The following PPFIA2 variants were observed in gnomAD, a reference collection of about 807,000 sequenced individuals.
PPFIA2 encodes the protein liprin-alpha-2.
Under a neutral mutation model 175.5 loss-of-function variants are expected in PPFIA2, and 46 were observed. The ratio of observed to expected loss-of-function variants is 0.26; its 90% CI spans 0.21 to 0.34. PPFIA2 has a LOEUF of 0.34. Ranked by LOEUF, PPFIA2 falls within the 10% of genes least tolerant of loss-of-function variation. The pLI is 1.00. For missense variants in PPFIA2, 1,179 were observed against 1,506.1 expected (o/e 0.78, Z 3.60); for synonymous variants, 568 against 511.4 (o/e 1.11, Z -1.49).
intron 3 of PPFIA2, among the ~76,000 whole-genome samples, chr12:81,739,503 T>C (rs1358787337): frequency 3.3e-5 from 5 of 152,204 alleles, no homozygotes; most frequent in Non-Finnish European, 7.4e-5. Context: ...GAACTGATTT[T>C]ATCTCCTTTA....
At chr12:81,297,755 ATAATTAGACCT>A (rs906608935) in intron 23 of PPFIA2, among the ~76,000 whole-genome samples, 76 of 152,242 alleles carry the variant, frequency 5.0e-4, no homozygotes, top group African/African-American at 1.8e-3. Context: ...AATGTCATCC[ATAATTAGACCT>A]TAAAGAGTCT....
chr12:81,611,846 C>T (rs745496372), intron 4 of PPFIA2, among the ~76,000 whole-genome samples: 4 of 152,118 alleles, frequency 2.6e-5, no homozygotes, highest in Admixed American at 6.5e-5. Context: ...GATCTCCTGA[C>T]ATCTCACATG....
At chr12:81,514,758 T>C (rs1473745207) in intron 4 of PPFIA2, among the ~76,000 whole-genome samples, 6 of 151,970 alleles carry the variant, frequency 3.9e-5, no homozygotes, top group African/African-American at 1.4e-4. Context: ...AAAAATTAAA[T>C]ATACTAAATT....
Position 81,289,727 on chromosome 12 carries a change from T to C in PPFIA2, c.2925+5108A>G, listed in dbSNP as rs905739246. 2.0e-5 allele frequency among the ~76,000 whole-genome samples: 3 copies of C among 151,966 alleles called. No individual in the cohort carries two copies. In the East Asian group the frequency reaches 5.8e-4, roughly 29 times the overall value. On this transcript the variant is annotated intron_variant, in intron 24 of 32. Coordinates refer to ENST00000549396, the MANE Select transcript of PPFIA2 (RefSeq NM_003625.5). ...AAAGGATAATGTGGAACTCCAGACATTGGAAACATACACAAAAATAGTTTT... is the reference window on the plus strand; with the variant it reads ...AAAGGATAATGTGGAACTCCAGACACTGGAAACATACACAAAAATAGTTTT...
chr12:81,606,537 T>C (rs546951943), intron 4 of PPFIA2, among the ~76,000 whole-genome samples: 2 of 152,220 alleles, frequency 1.3e-5, no homozygotes, highest in South Asian at 4.1e-4. Flanking sequence ...TAGTATCTCA[T>C]TGTGGTTTTC....
At chr12:81,503,421 A>T (rs2060804547) in intron 4 of PPFIA2, among the ~76,000 whole-genome samples, 1 of 152,082 alleles carries the variant, frequency 6.6e-6, no homozygotes, top group Non-Finnish European at 1.5e-5. Context: ...CACTGACCAC[A>T]TCATAAGACC....
At chr12:81,512,325 C>T (rs2061895594) in intron 4 of PPFIA2, 1 of 1,288,744 alleles carries the variant, frequency 7.8e-7, no homozygotes, top group Non-Finnish European at 1.0e-6. Context: ...TCCCATCTCC[C>T]ACTGCTATCT....
At chr12:81,368,188 C>G in intron 13 of PPFIA2, 1 of 1,276,888 alleles carries the variant, frequency 7.8e-7, no homozygotes, top group Non-Finnish European at 1.0e-6. Flanking sequence ...ACATATATAA[C>G]TGTAAATCAC....
chr12:81,337,232 G>A (rs995005691), intron 21 of PPFIA2, among the ~76,000 whole-genome samples: 1 of 152,190 alleles, frequency 6.6e-6, no homozygotes, highest in South Asian at 2.1e-4. Flanking sequence ...ATAGCATTTT[G>A]CTCCTGTCTT....
intron 4 of PPFIA2, among the ~76,000 whole-genome samples, chr12:81,468,481 T>A (rs1393975490): frequency 6.6e-6 from 1 of 152,150 alleles, no homozygotes; most frequent in Non-Finnish European, 1.5e-5. Context: ...AGGAGGCATG[T>A]TTGACAAGAT....
At chr12:81,662,719 G>T (rs1041966001) in intron 4 of PPFIA2, among the ~76,000 whole-genome samples, 6 of 152,086 alleles carry the variant, frequency 3.9e-5, no homozygotes, top group African/African-American at 1.2e-4. Flanking sequence ...GCATCATCCT[G>T]ATACCAAAGC....
intron 24 of PPFIA2, among the ~76,000 whole-genome samples, chr12:81,286,275 A>T (rs1160654292): frequency 6.6e-6 from 1 of 152,120 alleles, no homozygotes; most frequent in Non-Finnish European, 1.5e-5. Context: ...TTTATTACTG[A>T]GGAAATAAAA....
At chr12:81,647,398 A>C (rs893255443) in intron 4 of PPFIA2, among the ~76,000 whole-genome samples, 5 of 152,190 alleles carry the variant, frequency 3.3e-5, no homozygotes, top group Non-Finnish European at 7.4e-5. Context: ...TCATACATTC[A>C]AAAAGTTCAG....
chr12:81,681,900 A>G (rs753082628), intron 3 of PPFIA2, among the ~76,000 whole-genome samples: 2 of 152,074 alleles, frequency 1.3e-5, no homozygotes, highest in Non-Finnish European at 2.9e-5. Flanking sequence ...CTCGCATCGC[A>G]TATCCCACAA....
intron 3 of PPFIA2, among the ~76,000 whole-genome samples, chr12:81,691,256 C>T (rs1346629490): frequency 6.6e-6 from 1 of 152,146 alleles, no homozygotes; most frequent in African/African-American, 2.4e-5. Context: ...TTCCATTATA[C>T]TTATTTTCAT....
intron 4 of PPFIA2, among the ~76,000 whole-genome samples, chr12:81,573,251 C>A (rs1237633529): frequency 6.6e-6 from 1 of 151,824 alleles, no homozygotes; most frequent in East Asian, 1.9e-4. Flanking sequence ...GAGCACCACA[C>A]AAAACAGTAG....
At chr12:81,349,352 G>T (rs1202511020) in intron 17 of PPFIA2, among the ~76,000 whole-genome samples, 1 of 152,214 alleles carries the variant, frequency 6.6e-6, no homozygotes, top group Non-Finnish European at 1.5e-5. Flanking sequence ...GTTCATTTTG[G>T]TTAAAACATT....
chr12:81,487,217 C>G (rs567999673), intron 4 of PPFIA2, among the ~76,000 whole-genome samples: 1 of 151,910 alleles, frequency 6.6e-6, no homozygotes, highest in Non-Finnish European at 1.5e-5. Flanking sequence ...AAAGGTGACC[C>G]CTGGAAAGAC....
chr12:81,440,819 TA>T (rs1469811590), intron 6 of PPFIA2, among the ~76,000 whole-genome samples: 1 of 149,762 alleles, frequency 6.7e-6, no homozygotes, highest in Admixed American at 6.7e-5. Flanking sequence ...TCCTGATATA[TA>T]TATATATATA....
Sources: allele counts gnomAD v4.1 joint callset (sites outside exome capture counted in the v4.1 genomes callset), GRCh38; gene constraint gnomAD v4.1.1; transcripts MANE v1.5; gene names NCBI Gene and HGNC (gene_info 2026-07-23, HGNC 2026-07-21).